FAT3: variants seen among roughly 807,000 people sequenced by gnomAD.
The protein encoded by FAT3 is FAT atypical cadherin 3, also known as protocadherin Fat 3.
In FAT3, 95 loss-of-function variants were observed where a neutral mutation model predicts 310.2. That is an observed-to-expected ratio of 0.31 (90% CI 0.26 to 0.36). The LOEUF is 0.36. Among genes scored for constraint, FAT3 ranks in the 10% least tolerant of loss-of-function variants. The probability of loss-of-function intolerance (pLI) is 1.00; values close to 1 mark genes in which losing one functional copy is unlikely to be tolerated. For synonymous variants in FAT3, 2,314 were observed against 2,192.9 expected (o/e 1.06, Z -1.54); for missense variants, 5,408 against 5,715.6 (o/e 0.95, Z 1.74).
chr11:92,596,322 G>T (rs1308083695), intron 3 of FAT3, among the ~76,000 whole-genome samples: 1 of 152,070 alleles, frequency 6.6e-6, no homozygotes, highest in African/African-American at 2.4e-5. Flanking sequence ...CTGATTAGAA[G>T]GGACTCCAGG....
intron 3 of FAT3, among the ~76,000 whole-genome samples, chr11:92,663,969 T>A (rs573726472): frequency 3.9e-5 from 6 of 152,262 alleles, no homozygotes; most frequent in African/African-American, 1.4e-4. Flanking sequence ...AGAACCTTCA[T>A]AATTTGCCTT....
intron 3 of FAT3, among the ~76,000 whole-genome samples, chr11:92,653,284 G>C (rs1472373770): frequency 2.0e-5 from 3 of 152,026 alleles, no homozygotes; most frequent in African/African-American, 7.2e-5. Flanking sequence ...TCCTCCATAA[G>C]ACCTATTTGA....
Position 92,799,361 on chromosome 11 carries a change from T to C in FAT3, c.6348T>C (p.Asn2116=), listed in dbSNP as rs770098786. Residue 2116 remains asparagine, a synonymous_variant, in exon 10 of 28, where the codon AAT becomes AAC. Coordinates refer to ENST00000525166, the MANE Select transcript of FAT3 (RefSeq NM_001367949.2). ...CCATTGACAAAGATAAAGGTCCAAA[T>C]GGAGAAGTGACCTATGTCCTGCAGG... ...VTAIDKDKGP[N]GEVTYVLQDD... The C allele has an allele frequency of 6.2e-7, 1 of 1,613,874 alleles. No homozygotes were observed.
At chr11:92,577,923 A>G (rs1056263230) in intron 3 of FAT3, among the ~76,000 whole-genome samples, 1 of 152,160 alleles carries the variant, frequency 6.6e-6, no homozygotes, top group Non-Finnish European at 1.5e-5. Context: ...GAAAATAAAG[A>G]TAGAGAGAGA....
chr11:92,385,931 A>C (rs1949609051), intron 2 of FAT3, among the ~76,000 whole-genome samples: 1 of 152,022 alleles, frequency 6.6e-6, no homozygotes, highest in Non-Finnish European at 1.5e-5. Context: ...GGATCACTTG[A>C]GTCCAGGAGT....
chr11:92,319,091 A>G (rs545012426), intron 1 of FAT3, among the ~76,000 whole-genome samples: 3 of 152,348 alleles, frequency 2.0e-5, no homozygotes, highest in East Asian at 3.9e-4. Context: ...AACAACAACA[A>G]TAACAAAAAG....
intron 7 of FAT3, among the ~76,000 whole-genome samples, chr11:92,787,717 A>T (rs1362529662): frequency 6.6e-6 from 1 of 150,434 alleles, no homozygotes; most frequent in Non-Finnish European, 1.5e-5. Flanking sequence ...AAATAAAAAG[A>T]ACTACAAAAT....
intron 11 of FAT3, 21 bp downstream of exon 11, chr11:92,805,370 T>C (rs769056327): frequency 6.3e-7 from 1 of 1,599,374 alleles, no homozygotes; most frequent in South Asian, 1.1e-5. Context: ...GGGATAGGGT[T>C]CTGCTTTTAC....
At chr11:92,720,641 G>A (rs767416831) in intron 4 of FAT3, among the ~76,000 whole-genome samples, 6 of 152,272 alleles carry the variant, frequency 3.9e-5, no homozygotes, top group South Asian at 4.2e-4. Context: ...AATGTGCCAC[G>A]TACCCTCAAC....
intron 3 of FAT3, among the ~76,000 whole-genome samples, chr11:92,674,378 G>A (rs1473075023): frequency 1.3e-5 from 2 of 151,740 alleles, no homozygotes; most frequent in African/African-American, 4.8e-5. Context: ...ATGATGCACA[G>A]GAAAGCATGG....
chr11:92,394,617 G>A (rs1474837296), intron 2 of FAT3, among the ~76,000 whole-genome samples: 1 of 150,502 alleles, frequency 6.6e-6, no homozygotes, highest in African/African-American at 2.5e-5. Context: ...TGATCTATTG[G>A]TATCTCAGTT....
chr11:92,447,640 C>G (rs960108914), intron 2 of FAT3, among the ~76,000 whole-genome samples: 1 of 152,002 alleles, frequency 6.6e-6, no homozygotes, highest in African/African-American at 2.4e-5. Flanking sequence ...TTTCCCTGGT[C>G]TTACTTAGAA....
At chr11:92,379,344 A>G (rs370219070) in intron 2 of FAT3, among the ~76,000 whole-genome samples, 4 of 152,186 alleles carry the variant, frequency 2.6e-5, no homozygotes, top group Admixed American at 6.5e-5. Flanking sequence ...ACATTTCTGT[A>G]TTTGCCAAGC....
chr11:92,517,901 C>A (rs1953541728), intron 2 of FAT3, among the ~76,000 whole-genome samples: 1 of 152,082 alleles, frequency 6.6e-6, no homozygotes, highest in South Asian at 2.1e-4. Context: ...TAGAGAAATG[C>A]AAATTAAAAC....
At chr11:92,715,968 T>G (rs1944669898) in intron 4 of FAT3, among the ~76,000 whole-genome samples, 2 of 152,126 alleles carry the variant, frequency 1.3e-5, no homozygotes, top group South Asian at 4.1e-4. Context: ...TAGTTTCGAC[T>G]AGATACTTGA....
At chr11:92,244,963 C>A (rs2134261757) in intron 1 of FAT3, among the ~76,000 whole-genome samples, 1 of 152,152 alleles carries the variant, frequency 6.6e-6, no homozygotes, top group Admixed American at 6.5e-5. Flanking sequence ...ACTAGAAATA[C>A]CATCTGACCC....
In FAT3 at chr11:92,840,760, G is replaced by T; in HGVS notation, c.10566+1G>T. On this transcript the variant is annotated splice_donor_variant, in intron 18 of 27. Coordinates refer to ENST00000525166, the MANE Select transcript of FAT3 (RefSeq NM_001367949.2). LOFTEE classifies it high-confidence loss of function. ...TCTGGAATACGTGTTGTGTGTCCAG[G>T]TATGGCATCGCACTCTGTCTCCGTC... is the stretch of plus-strand genomic sequence containing the variant. 1 of 1,568,184 alleles carries T rather than the reference G, an allele frequency of 6.4e-7. No homozygotes were observed. Among genetic ancestry groups the T allele is most frequent in the Non-Finnish European group, 8.7e-7 (1 of 1,145,878 alleles).
At chr11:92,841,176 C>G (rs1948540215) in intron 18 of FAT3, among the ~76,000 whole-genome samples, 1 of 152,136 alleles carries the variant, frequency 6.6e-6, no homozygotes, top group Non-Finnish European at 1.5e-5. Flanking sequence ...ACCAAGGACT[C>G]AGCTGGCAGT....
chr11:92,752,471 C>T (rs1328062287), intron 4 of FAT3, among the ~76,000 whole-genome samples: 4 of 152,328 alleles, frequency 2.6e-5, no homozygotes, highest in African/African-American at 9.6e-5. Context: ...GTGCAGGGCT[C>T]TGCATCTCAC....
Sources: allele counts gnomAD v4.1 joint callset (sites outside exome capture counted in the v4.1 genomes callset), GRCh38; gene constraint gnomAD v4.1.1; transcripts MANE v1.5; gene names NCBI Gene and HGNC (gene_info 2026-07-23, HGNC 2026-07-21).